Variants in ARAP2 observed in about 807,000 individuals in gnomAD.
The protein encoded by ARAP2 is arf-GAP with Rho-GAP domain, ANK repeat and PH domain-containing protein 2.
In ARAP2, 148 loss-of-function variants were observed where a neutral mutation model predicts 194.5. The observed-to-expected ratio is 0.76, with a 90% CI of 0.67 to 0.87. The LOEUF is 0.87. ARAP2 is among the 40% of genes least tolerant of loss of function. The probability of loss-of-function intolerance (pLI) is 0.00; values close to 1 mark genes in which losing one functional copy is unlikely to be tolerated. For missense variants in ARAP2, 2,128 were observed against 1,989.7 expected (o/e 1.07, Z -1.32); for synonymous variants, 695 against 683.5 (o/e 1.02, Z -0.26).
rs1306926133 is a variant in ARAP2, at chr4:36,051,151, T to C, written n.369+855A>G. ...GTATAATTTCAGCTAATCTTCTTAC[T>C]AACTAGTTTTAGGTAAACTTTTGGT... On this transcript the variant is annotated intron_variant and non_coding_transcript_variant, in intron 3 of 12. Coordinates refer to the ARAP2 transcript ENST00000503225. Among the ~76,000 whole-genome samples, 3 of 152,210 alleles carry C rather than the reference T, an allele frequency of 2.0e-5. No individual in the cohort carries two copies. In the East Asian group the frequency reaches 5.8e-4, roughly 29 times the overall value.
In ARAP2 at chr4:36,191,565, G is replaced by A. The variant is rs1741908606; in HGVS notation, c.1557+2013C>T. On this transcript the variant is annotated intron_variant, in intron 7 of 32. Coordinates refer to ENST00000303965, the MANE Select transcript of ARAP2 (RefSeq NM_015230.4). The stretch of plus-strand genomic sequence containing the variant: ...GAAAAATCTTGTAATTTTTAACACT[G>A]TAGAGCTGATTTTTATATTTGTCTT... 4.0e-5 allele frequency among the ~76,000 whole-genome samples: 6 copies of A among 150,606 alleles called. No individual in the cohort carries two copies. In the South Asian group the frequency reaches 1.1e-3, roughly 26 times the overall value.
intron 2 of ARAP2, among the ~76,000 whole-genome samples, chr4:36,056,671 CTAT>C (rs1331918669): frequency 7.2e-5 from 11 of 152,198 alleles, no homozygotes; most frequent in African/African-American, 2.2e-4. Context: ...CACCTTACTA[CTAT>C]TGTTTTCAGT....
At chr4:36,032,053 A>T in intron 5 of ARAP2, among the ~76,000 whole-genome samples, 1 of 152,204 alleles carries the variant, frequency 6.6e-6, no homozygotes, top group East Asian at 1.9e-4. Flanking sequence ...AGCAAGAAAG[A>T]TTTTATGCAT....
chr4:36,231,001 T>A (rs549154389), intron 1 of ARAP2, among the ~76,000 whole-genome samples: 8 of 152,254 alleles, frequency 5.3e-5, no homozygotes, highest in Admixed American at 3.9e-4. Context: ...CAATAAGGCA[T>A]CCCAGAGTAA....
At chr4:36,062,097 G>C (rs1724540049), downstream of ARAP2, among the ~76,000 whole-genome samples, 1 of 152,154 alleles carries the variant, frequency 6.6e-6, no homozygotes, top group African/African-American at 2.4e-5. Context: ...TCTGTGGATT[G>C]TCTCTTCACT....
intron 1 of ARAP2, among the ~76,000 whole-genome samples, chr4:36,231,708 C>T (rs1304876374): frequency 6.6e-6 from 1 of 152,128 alleles, no homozygotes; most frequent in Non-Finnish European, 1.5e-5. Context: ...CACACACGCA[C>T]ACCAAGAAAC....
intron 8 of ARAP2, among the ~76,000 whole-genome samples, chr4:36,014,220 C>T (rs993143401): frequency 2.2e-5 from 2 of 91,350 alleles, no homozygotes; most frequent in Non-Finnish European, 3.8e-5. Flanking sequence ...AAGTGAGACC[C>T]TATCGAAAGA....
In ARAP2 at chr4:36,244,174, C is replaced by T. The variant is rs531166544; in HGVS notation, c.-160+5G>A. 7 of 152,178 alleles carry T rather than the reference C, an allele frequency of 4.6e-5. No homozygotes were observed. The highest frequency in any genetic ancestry group is 3.9e-4 in the Admixed American group (6 of 15,296). The allele number at this position is 152,178 out of a possible 1,614,324, so 9.4% of individuals were successfully genotyped here. ...CCCAGCCTTCCCGAGGCCCCGGGTA[C>T]TCGCCTTGCGCTCGGGTCGCGGAGT... is the stretch of plus-strand genomic sequence containing the variant. On this transcript the variant is annotated splice_donor_5th_base_variant and intron_variant, in intron 1 of 32. Transcript: ENST00000303965.
intron 2 of ARAP2, among the ~76,000 whole-genome samples, chr4:36,220,235 G>A (rs1200843608): frequency 6.6e-6 from 1 of 152,118 alleles, no homozygotes; most frequent in Non-Finnish European, 1.5e-5. Flanking sequence ...ACACGTGTGT[G>A]TGTGTGTGTG....
chr4:36,184,713 G>A (rs2109879858), intron 8 of ARAP2, among the ~76,000 whole-genome samples: 1 of 152,262 alleles, frequency 6.6e-6, no homozygotes, highest in Non-Finnish European at 1.5e-5. Flanking sequence ...TTAAAATGCA[G>A]GCTACATAGC....
intron 27 of ARAP2, among the ~76,000 whole-genome samples, chr4:36,092,878 A>G (rs1714102132): frequency 6.6e-6 from 1 of 152,174 alleles, no homozygotes; most frequent in African/African-American, 2.4e-5. Context: ...CAAATCCACA[A>G]ATTTTTAAGG....
intron 15 of ARAP2, among the ~76,000 whole-genome samples, chr4:36,151,690 T>C (rs1731012772): frequency 6.6e-6 from 1 of 152,218 alleles, no homozygotes. Context: ...TTTTAAGAAA[T>C]GCATACTGAA....
At chr4:36,064,289 T>A (rs552042149), downstream of ARAP2, among the ~76,000 whole-genome samples, 9 of 152,016 alleles carry the variant, frequency 5.9e-5, no homozygotes, top group East Asian at 1.7e-3. Flanking sequence ...TGTGGAGGAA[T>A]TCTCCTCCTT....
intron 6 of ARAP2, among the ~76,000 whole-genome samples, chr4:36,207,039 C>A (rs979252682): frequency 4.6e-5 from 7 of 152,164 alleles, no homozygotes; most frequent in African/African-American, 1.7e-4. Flanking sequence ...TTCCTTATTG[C>A]AGATATTCTT....
intron 5 of ARAP2, chr4:36,045,925 GTC>G: frequency 1.3e-5 from 2 of 152,150 alleles, no homozygotes; most frequent in Non-Finnish European, 2.9e-5. Flanking sequence ...GGGGACAATT[GTC>G]AGAGAAGTTT....
chr4:36,210,280 G>A, intron 6 of ARAP2, 110 bp downstream of exon 6: 1 of 878,204 alleles, frequency 1.1e-6, no homozygotes, highest in Non-Finnish European at 1.7e-6. Context: ...CTCTGTGTAT[G>A]TGTGTGTGTG....
intron 9 of ARAP2, among the ~76,000 whole-genome samples, chr4:36,008,436 T>C (rs977614982): frequency 1.3e-5 from 2 of 152,034 alleles, no homozygotes; most frequent in African/African-American, 4.8e-5. Flanking sequence ...AAATAAGCAA[T>C]GGGGAAATGA....
At chr4:36,011,067 A>C (rs1461572171) in intron 9 of ARAP2, among the ~76,000 whole-genome samples, 1 of 152,178 alleles carries the variant, frequency 6.6e-6, no homozygotes, top group African/African-American at 2.4e-5. Flanking sequence ...TCTGATCAAA[A>C]GTGTCTTGAT....
intron 6 of ARAP2, among the ~76,000 whole-genome samples, chr4:36,200,196 A>T (rs1443111993): frequency 1.3e-5 from 2 of 152,128 alleles, no homozygotes; most frequent in Non-Finnish European, 2.9e-5. Context: ...TTAATTAAAG[A>T]TAAAACTTTA....
Sources: allele counts gnomAD v4.1 joint callset (sites outside exome capture counted in the v4.1 genomes callset), GRCh38; gene constraint gnomAD v4.1.1; transcripts MANE v1.5; gene names NCBI Gene and HGNC (gene_info 2026-07-23, HGNC 2026-07-21).